Variants in ENTHD1 observed in about 807,000 individuals in gnomAD.
ENTHD1 encodes ENTH domain containing 1.
In ENTHD1, 23 loss-of-function variants were observed where a neutral mutation model predicts 39.1. The observed-to-expected ratio is 0.59, with a 90% CI of 0.42 to 0.83. The LOEUF (loss-of-function observed/expected upper bound fraction) is 0.83, where lower values mean the gene tolerates loss of function less well. Among genes scored for constraint, ENTHD1 ranks in the 40% least tolerant of loss-of-function variants. The probability of loss-of-function intolerance (pLI) is 0.00; values close to 1 mark genes in which losing one functional copy is unlikely to be tolerated. For synonymous variants in ENTHD1, 230 were observed against 258.2 expected (o/e 0.89, Z 1.05); for missense variants, 624 against 705.4 (o/e 0.88, Z 1.31).
chr22:39,805,414 TA>T (rs1286687107), intron 5 of ENTHD1, among the ~76,000 whole-genome samples: 4 of 152,138 alleles, frequency 2.6e-5, no homozygotes, highest in Non-Finnish European at 5.9e-5. Context: ...ATTAGAGAAT[TA>T]GCTGAGCGAG....
intron 2 of ENTHD1, among the ~76,000 whole-genome samples, chr22:39,869,521 A>G (rs1255010165): frequency 6.6e-6 from 1 of 152,082 alleles, no homozygotes. Flanking sequence ...ATTGAGTACT[A>G]TGATTAGTAC....
At chr22:39,762,430 G>A (rs79876441) in intron 6 of ENTHD1, among the ~76,000 whole-genome samples, 1 of 133,934 alleles carries the variant, frequency 7.5e-6, no homozygotes, top group African/African-American at 2.8e-5. Flanking sequence ...TTTTTTTTTT[G>A]ACACAGGATC....
At position 39,887,642 on chromosome 22, in the gene ENTHD1, A is replaced by G. The variant is rs2066390415; in HGVS notation, c.107T>C (p.Leu36Pro). 6.2e-7 allele frequency: 1 copy of G among 1,614,036 alleles called. No homozygotes were observed. Among genetic ancestry groups the G allele is most frequent in the South Asian group, 1.1e-5 (1 of 91,058 alleles). Residue 36 changes from leucine (L) to proline (P), a missense_variant, in exon 2 of 7, where the codon CTG becomes CCG. Physicochemically the swap from Leu to Pro is moderately conservative, Grantham distance 98. Coordinates refer to ENST00000325157, the MANE Select transcript of ENTHD1 (RefSeq NM_152512.4). ...SNDPWGPSSS[L>P]MLDISDLTFN... Reference sequence around the variant, plus strand: ...AGTCAAGTCACTGATATCTAACATCAGAGAACTAGAGGGACCCCAAGGGTC... The same window carrying G: ...AGTCAAGTCACTGATATCTAACATCGGAGAACTAGAGGGACCCCAAGGGTC...
chr22:39,854,767 C>G (rs888236579), intron 3 of ENTHD1, among the ~76,000 whole-genome samples: 1 of 151,974 alleles, frequency 6.6e-6, no homozygotes, highest in Non-Finnish European at 1.5e-5. Flanking sequence ...TGCCTCTTTT[C>G]CCTTGCTGAT....
chr22:39,800,951 G>C (rs2065594037), intron 5 of ENTHD1, among the ~76,000 whole-genome samples: 1 of 152,242 alleles, frequency 6.6e-6, no homozygotes, highest in Non-Finnish European at 1.5e-5. Context: ...TGAAGAGGAA[G>C]TGACATGATC....
intron 6 of ENTHD1, among the ~76,000 whole-genome samples, chr22:39,748,297 G>A (rs1314236103): frequency 6.7e-6 from 1 of 150,366 alleles, no homozygotes; most frequent in Non-Finnish European, 1.5e-5. Context: ...ATCTGTTAAA[G>A]TACTAAGAAA....
chr22:39,789,569 CA>C (rs2065487747), intron 5 of ENTHD1, among the ~76,000 whole-genome samples: 1 of 152,098 alleles, frequency 6.6e-6, no homozygotes, highest in Admixed American at 6.6e-5. Context: ...TTCATTCATT[CA>C]AAATATATTT....
intron 6 of ENTHD1, among the ~76,000 whole-genome samples, chr22:39,747,590 C>CT (rs1326741858): frequency 2.0e-5 from 3 of 152,002 alleles, no homozygotes; most frequent in Non-Finnish European, 4.4e-5. Context: ...AGTGAGGGGA[C>CT]TTGACATCTT....
intron 5 of ENTHD1, among the ~76,000 whole-genome samples, chr22:39,780,497 A>T (rs2065400663): frequency 6.6e-6 from 1 of 152,218 alleles, no homozygotes; most frequent in Non-Finnish European, 1.5e-5. Context: ...CTATAAAGAC[A>T]CATATAGACC....
In ENTHD1 at chr22:39,854,265, A is replaced by G. The variant is rs2146710890; in HGVS notation, c.592+7500T>C. Among the ~76,000 whole-genome samples the G allele has an allele frequency of 2.6e-5, 4 of 152,354 alleles. No individual in the cohort carries two copies. The Middle Eastern group carries it at 0.01, about 389-fold the overall frequency. ...CATCAGTTATAACAACATTGAACAA[A>G]AGGATGTTATTCAAGGACCTACTGT... is the stretch of plus-strand genomic sequence containing the variant. On this transcript the variant is annotated intron_variant, in intron 3 of 6. Transcript: ENST00000325157.
Position 39,887,920 on chromosome 22 carries a change from A to C in ENTHD1, c.-155-17T>G. On this transcript the variant is annotated splice_polypyrimidine_tract_variant and intron_variant, in intron 1 of 6. Coordinates refer to ENST00000325157, the MANE Select transcript of ENTHD1 (RefSeq NM_152512.4). ...ATCAATTTCCTGCAAGGAAAGCACA[A>C]AAAAATTTACATTAAACTTTTTTTT... 1 of 538,418 alleles carries C rather than the reference A, an allele frequency of 1.9e-6. No homozygotes were observed. Among genetic ancestry groups the C allele is most frequent in the South Asian group, 3.5e-5 (1 of 28,222 alleles). The allele number at this position is 538,418 out of a possible 1,614,324, so 33.4% of individuals were successfully genotyped here.
At chr22:39,774,119 A>C (rs2065349088) in intron 5 of ENTHD1, among the ~76,000 whole-genome samples, 1 of 152,146 alleles carries the variant, frequency 6.6e-6, no homozygotes, top group Non-Finnish European at 1.5e-5. Context: ...AGAAAGAATG[A>C]AACTGAAATC....
intron 3 of ENTHD1, among the ~76,000 whole-genome samples, chr22:39,856,817 C>T (rs1473632259): frequency 6.8e-6 from 1 of 146,636 alleles, no homozygotes; most frequent in East Asian, 2.0e-4. Flanking sequence ...CACACCACTG[C>T]GCTCCTGCCG....
chr22:39,879,305 T>TA (rs1053034708), intron 2 of ENTHD1, among the ~76,000 whole-genome samples: 3 of 149,034 alleles, frequency 2.0e-5, no homozygotes, highest in Non-Finnish European at 3.0e-5. Context: ...TACTAAAAAA[T>TA]AAAAAAAATT....
chr22:39,805,105 C>A (rs1429873238), intron 5 of ENTHD1, among the ~76,000 whole-genome samples: 1 of 152,168 alleles, frequency 6.6e-6, no homozygotes, highest in Non-Finnish European at 1.5e-5. Flanking sequence ...TTCTTGAGCA[C>A]CTACTATTAG....
At chr22:39,810,470 C>A (rs1472187726) in intron 5 of ENTHD1, among the ~76,000 whole-genome samples, 2 of 152,142 alleles carry the variant, frequency 1.3e-5, no homozygotes, top group South Asian at 2.1e-4. Context: ...TCTGCTTCCA[C>A]CACCCATGGA....
intron 2 of ENTHD1, chr22:39,875,384 G>GC: frequency 7.0e-7 from 1 of 1,435,758 alleles, no homozygotes; most frequent in Non-Finnish European, 9.1e-7. Flanking sequence ...CTTGGTGCAG[G>GC]CCACGGTGCC....
At chr22:39,836,518 A>G (rs2065908776) in intron 3 of ENTHD1, among the ~76,000 whole-genome samples, 1 of 152,186 alleles carries the variant, frequency 6.6e-6, no homozygotes. Flanking sequence ...ATTTTAAAGA[A>G]CTTTATTACT....
intron 2 of ENTHD1, among the ~76,000 whole-genome samples, chr22:39,862,954 A>G (rs1253691786): frequency 1.3e-5 from 2 of 152,052 alleles, no homozygotes; most frequent in Non-Finnish European, 2.9e-5. Flanking sequence ...CTTGCCTTCC[A>G]CCATCGCCTT....
Sources: allele counts gnomAD v4.1 joint callset (sites outside exome capture counted in the v4.1 genomes callset), GRCh38; gene constraint gnomAD v4.1.1; transcripts MANE v1.5; gene names NCBI Gene and HGNC (gene_info 2026-07-23, HGNC 2026-07-21).